The following PTPRM variants were observed in gnomAD, a reference collection of about 807,000 sequenced individuals.
The protein encoded by PTPRM is receptor-type tyrosine-protein phosphatase mu.
A neutral mutation model predicts 186.7 loss-of-function variants in PTPRM; 47 were observed. The observed-to-expected ratio is 0.25, with a 90% CI of 0.20 to 0.32. PTPRM has a LOEUF of 0.32. Among genes scored for constraint, PTPRM ranks in the 10% least tolerant of loss-of-function variants. The probability of loss-of-function intolerance (pLI) is 1.00; values close to 1 mark genes in which losing one functional copy is unlikely to be tolerated. For missense variants in PTPRM, 1,494 were observed against 1,865.0 expected (o/e 0.80, Z 3.66); for synonymous variants, 668 against 674.9 (o/e 0.99, Z 0.16).
chr18:8,100,028 A>G (rs2091215750), intron 11 of PTPRM, among the ~76,000 whole-genome samples: 1 of 152,200 alleles, frequency 6.6e-6, no homozygotes, highest in South Asian at 2.1e-4. Flanking sequence ...AGAAGCCTCC[A>G]ATATTCCACT....
At chr18:7,775,758 T>C (rs1460170947) in intron 2 of PTPRM, among the ~76,000 whole-genome samples, 1 of 152,248 alleles carries the variant, frequency 6.6e-6, no homozygotes, top group Non-Finnish European at 1.5e-5. Flanking sequence ...AATTGAAACT[T>C]GACTTGAAAA....
At chr18:8,017,541 C>T (rs912094556) in intron 7 of PTPRM, among the ~76,000 whole-genome samples, 1 of 122,754 alleles carries the variant, frequency 8.1e-6, no homozygotes, top group Non-Finnish European at 1.6e-5. Flanking sequence ...CGAGATCGTG[C>T]AACTGCACTC....
intron 6 of PTPRM, among the ~76,000 whole-genome samples, chr18:7,953,751 A>T (rs1052615609): frequency 3.9e-5 from 6 of 152,150 alleles, no homozygotes; most frequent in Admixed American, 6.5e-5. Flanking sequence ...TGCAAACCTC[A>T]TGTGGTGCTA....
At chr18:8,257,264 T>A (rs1436509992) in intron 19 of PTPRM, among the ~76,000 whole-genome samples, 1 of 152,122 alleles carries the variant, frequency 6.6e-6, no homozygotes, top group Non-Finnish European at 1.5e-5. Flanking sequence ...TCTGAGGAAA[T>A]GGCAGGAGTT....
chr18:7,997,796 A>G (rs969263537), intron 7 of PTPRM, among the ~76,000 whole-genome samples: 3 of 152,334 alleles, frequency 2.0e-5, no homozygotes, highest in Middle Eastern at 3.4e-3. Context: ...ATCACCAATC[A>G]TTAGAGAAGT....
intron 1 of PTPRM, among the ~76,000 whole-genome samples, chr18:7,772,102 A>G (rs2042294386): frequency 6.6e-6 from 1 of 152,196 alleles, no homozygotes; most frequent in Non-Finnish European, 1.5e-5. Flanking sequence ...AGCTGCCAGG[A>G]TGGTTGAAGG....
chr18:7,767,746 G>T lies in PTPRM; in HGVS notation c.74-6403G>T, dbSNP rs553473581. ...AAGAAAGAGAATTCAACTTTTGTAA[G>T]TCAAAAGCCATAATTTGTGGAGACT... On this transcript the variant is annotated intron_variant, in intron 1 of 32. Coordinates refer to ENST00000580170, the MANE Select transcript of PTPRM (RefSeq NM_001105244.2). Among the ~76,000 whole-genome samples, 7 of 152,240 alleles carry T rather than the reference G, an allele frequency of 4.6e-5. No individual in the cohort carries two copies. The South Asian group carries it at 1.5e-3, about 32-fold the overall frequency.
chr18:8,295,921 C>T (rs1052998867), intron 19 of PTPRM, among the ~76,000 whole-genome samples: 2 of 152,148 alleles, frequency 1.3e-5, no homozygotes, highest in African/African-American at 2.4e-5. Flanking sequence ...TCTCAGCTTA[C>T]CTACTCTCAT....
intron 2 of PTPRM, among the ~76,000 whole-genome samples, chr18:7,826,574 A>G (rs987557846): frequency 6.6e-6 from 1 of 152,252 alleles, no homozygotes; most frequent in Admixed American, 6.5e-5. Context: ...AAGATGTTGA[A>G]TATTTCATGG....
At chr18:8,136,353 C>A (rs2092638316) in intron 13 of PTPRM, among the ~76,000 whole-genome samples, 2 of 152,168 alleles carry the variant, frequency 1.3e-5, no homozygotes, top group South Asian at 4.1e-4. Flanking sequence ...AGTAATAATT[C>A]TCTTGGACTT....
intron 19 of PTPRM, among the ~76,000 whole-genome samples, chr18:8,264,017 C>G (rs1002786637): frequency 6.6e-6 from 1 of 152,190 alleles, no homozygotes; most frequent in East Asian, 1.9e-4. Context: ...GCATCTGAAG[C>G]GGGGGGTTGC....
chr18:7,660,989 A>G (rs1806625211), intron 1 of PTPRM, among the ~76,000 whole-genome samples: 1 of 152,096 alleles, frequency 6.6e-6, no homozygotes, highest in African/African-American at 2.4e-5. Context: ...AAGAAAAAAA[A>G]AGCAAAGAAA....
intron 19 of PTPRM, among the ~76,000 whole-genome samples, chr18:8,286,920 T>G (rs1375542408): frequency 5.9e-5 from 9 of 152,056 alleles, no homozygotes; most frequent in Admixed American, 2.6e-4. Flanking sequence ...AAATATCACA[T>G]TAAAATTCCT....
At position 8,028,832 on chromosome 18, in the gene PTPRM, G is replaced by A. The variant is rs565685755; in HGVS notation, c.1133-40854G>A. On this transcript the variant is annotated intron_variant, in intron 7 of 32. Transcript: ENST00000580170. ...GAAGATGAAGTGCAAAAAAGATCAT[G>A]AATGTAGTCATGACAGTGTCTCCTT... 1.2e-3 allele frequency among the ~76,000 whole-genome samples: 179 copies of A among 152,304 alleles called. 1 individual carries two copies. The Middle Eastern group carries it at 0.017, about 14-fold the overall frequency.
intron 13 of PTPRM, among the ~76,000 whole-genome samples, chr18:8,118,130 T>C (rs538073855): frequency 6.2e-4 from 94 of 152,340 alleles, no homozygotes; most frequent in African/African-American, 2.0e-3. Flanking sequence ...ATTTCTTATA[T>C]TGAATGAGGT....
chr18:8,270,069 A>G (rs1401148013), intron 19 of PTPRM: 1 of 152,082 alleles, frequency 6.6e-6, no homozygotes, highest in African/African-American at 2.4e-5. Flanking sequence ...AACAAAACCA[A>G]AAGTAGCAAG....
intron 7 of PTPRM, among the ~76,000 whole-genome samples, chr18:8,022,056 A>C (rs2085269790): frequency 6.6e-6 from 1 of 152,224 alleles, no homozygotes; most frequent in Non-Finnish European, 1.5e-5. Context: ...AAAAAAGGAA[A>C]ATAAGAATAC....
chr18:7,804,077 T>G (rs1277378942), intron 2 of PTPRM, among the ~76,000 whole-genome samples: 1 of 152,178 alleles, frequency 6.6e-6, no homozygotes, highest in African/African-American at 2.4e-5. Context: ...TAAGTGAAAA[T>G]TCCAAAGGTA....
intron 1 of PTPRM, among the ~76,000 whole-genome samples, chr18:7,654,075 T>G (rs2038789626): frequency 6.6e-6 from 1 of 152,218 alleles, no homozygotes; most frequent in Admixed American, 6.5e-5. Context: ...TCGGTGATGT[T>G]GAACTTTTTT....
Sources: allele counts gnomAD v4.1 joint callset (sites outside exome capture counted in the v4.1 genomes callset), GRCh38; gene constraint gnomAD v4.1.1; transcripts MANE v1.5; gene names NCBI Gene and HGNC (gene_info 2026-07-23, HGNC 2026-07-21).